The following SPATA4 variants were observed in gnomAD, a reference collection of about 807,000 sequenced individuals.
The protein encoded by SPATA4 is spermatogenesis associated 4, also known as spermatogenesis-associated protein 4.
A neutral mutation model predicts 31.8 loss-of-function variants in SPATA4; 35 were observed. That is an observed-to-expected ratio of 1.10 (90% CI 0.84 to 1.46). The LOEUF (loss-of-function observed/expected upper bound fraction) is 1.46. Ranked by LOEUF, SPATA4 falls within the 40% of genes most tolerant of loss-of-function variation. The pLI, the probability that SPATA4 is intolerant of heterozygous loss-of-function variation, is 0.00. For synonymous variants in SPATA4, 126 were observed against 132.4 expected (o/e 0.95, Z 0.33); for missense variants, 394 against 363.1 (o/e 1.09, Z -0.69).
At position 176,193,541 on chromosome 4, in the gene SPATA4, A is replaced by G; in HGVS notation, c.260T>C (p.Ile87Thr). The G allele has an allele frequency of 1.2e-6, 2 of 1,612,572 alleles. No individual in the cohort carries two copies. Among genetic ancestry groups the G allele is most frequent in the Non-Finnish European group, 1.7e-6 (2 of 1,179,710 alleles). The change falls in exon 2 of 6, where the codon ATA becomes ACA. Residue 87 changes from isoleucine to threonine, a missense_variant. Transcript: ENST00000280191. ...NGFLIAEIFC[I>T]YYPWELELSS... ...TAATTCAAGTTCCCAGGGGTAATAT[A>G]TACAGAATATTTCTGCAATTAGGAA...
At chr4:176,195,257 GC>G in intron 1 of SPATA4, 87 bp downstream of exon 1, 1 of 1,327,404 alleles carries the variant, frequency 7.5e-7, no homozygotes, top group Non-Finnish European at 1.1e-6. Flanking sequence ...CATAAGCCAG[GC>G]CAGGGTAGGC....
chr4:176,186,057 C>A (rs765629034), intron 5 of SPATA4, among the ~76,000 whole-genome samples: 2 of 152,134 alleles, frequency 1.3e-5, no homozygotes, highest in Non-Finnish European at 2.9e-5. Flanking sequence ...TACTTGGAAT[C>A]CTGATCTGAA....
At chr4:176,190,321 T>A (rs1236434646) in intron 4 of SPATA4, among the ~76,000 whole-genome samples, 1 of 152,230 alleles carries the variant, frequency 6.6e-6, no homozygotes, top group African/African-American at 2.4e-5. Context: ...GGTTTCACTT[T>A]AATCAATTTA....
At chr4:176,185,570 C>T (rs1752427992) in intron 5 of SPATA4, among the ~76,000 whole-genome samples, 1 of 152,130 alleles carries the variant, frequency 6.6e-6, no homozygotes, top group African/African-American at 2.4e-5. Flanking sequence ...AGTTACGTTC[C>T]TACAGTCTAG....
At chr4:176,185,999 T>C (rs1276072829) in intron 5 of SPATA4, among the ~76,000 whole-genome samples, 1 of 152,174 alleles carries the variant, frequency 6.6e-6, no homozygotes, top group Non-Finnish European at 1.5e-5. Flanking sequence ...GAGGAGTTAT[T>C]TATGGCCACT....
intron 5 of SPATA4, among the ~76,000 whole-genome samples, chr4:176,185,909 G>A (rs73005178): frequency 1.8e-4 from 27 of 152,098 alleles, no homozygotes; most frequent in Admixed American, 3.3e-4. Flanking sequence ...TTTCCAAAGA[G>A]AGCAAGACTA....
At chr4:176,189,106 C>T (rs1413160911) in intron 4 of SPATA4, among the ~76,000 whole-genome samples, 2 of 152,198 alleles carry the variant, frequency 1.3e-5, no homozygotes, top group Non-Finnish European at 2.9e-5. Flanking sequence ...AACAGAGATA[C>T]AGGTTAGTTT....
chr4:176,193,710 T>C (rs1420143144), intron 1 of SPATA4, 128 bp from the exon 2 acceptor site: 1 of 1,003,596 alleles, frequency 1.0e-6, no homozygotes, highest in Non-Finnish European at 1.4e-6. Context: ...GTTGGATCGT[T>C]GCTCTAAGGA....
At chr4:176,184,928 C>A in intron 5 of SPATA4, 36 bp from the exon 6 acceptor site, 1 of 1,277,696 alleles carries the variant, frequency 7.8e-7, no homozygotes, top group South Asian at 1.3e-5. Context: ...AAAATCAATT[C>A]ATGGTTACTA....
At chr4:176,193,362 C>T (rs533749265) in intron 2 of SPATA4, 91 bp downstream of exon 2, 2 of 1,476,262 alleles carry the variant, frequency 1.4e-6, no homozygotes, top group East Asian at 2.3e-5. Context: ...CACACAGTCA[C>T]ACACATACAC....
chr4:176,193,704 G>A (rs1752569433), intron 1 of SPATA4, 122 bp from the exon 2 acceptor site: 1 of 1,062,728 alleles, frequency 9.4e-7, no homozygotes, highest in Non-Finnish European at 1.3e-6. Context: ...AGTGTTGTTG[G>A]ATCGTTGCTC....
Position 176,184,846 on chromosome 4 carries a change from C to T in SPATA4, c.852G>A (p.Lys284=). 1 of 1,602,456 alleles carries T rather than the reference C, an allele frequency of 6.2e-7. No individual in the cohort carries two copies. The highest frequency in any genetic ancestry group is 8.5e-7 in the Non-Finnish European group (1 of 1,174,368). The change falls in exon 6 of 6, where the codon AAG becomes AAA. Residue 284 remains lysine (K), a synonymous_variant. Transcript: ENST00000280191. ...GGSSHREIHV[K]QAGQHSYYSA... is the part of the protein sequence containing the mutation. ...AGTAATAAGAATGTTGTCCAGCTTG[C>T]TTCACATGTATTTCTCTATGTGAAC...
intron 4 of SPATA4, among the ~76,000 whole-genome samples, chr4:176,189,120 A>G (rs1752489079): frequency 6.6e-6 from 1 of 152,232 alleles, no homozygotes; most frequent in South Asian, 2.1e-4. Context: ...TTAGTTTTCT[A>G]CAAAGATAGA....
Position 176,192,707 on chromosome 4 carries a change from A to G in SPATA4, c.608T>C (p.Met203Thr). 2 of 1,614,122 alleles carry G rather than the reference A, an allele frequency of 1.2e-6. No individual in the cohort carries two copies. Among genetic ancestry groups the G allele is most frequent in the Middle Eastern group, 1.6e-4 (1 of 6,062 alleles). Residue 203 changes from methionine to threonine, a missense_variant, in exon 4 of 6, where the codon ATG becomes ACG. Transcript: ENST00000280191. ...CTCCGCTTTAAGTTCATTGGTCAGC[A>G]TGTTGGGATTGCTTAGTAATTCTGA... ...RLSELLSNPN[M>T]LTNELKAEFL...
Position 176,192,695 on chromosome 4 carries a change from T to C in SPATA4, c.620A>G (p.Glu207Gly). The C allele has an allele frequency of 6.2e-7, 1 of 1,614,126 alleles. No homozygotes were observed. Among genetic ancestry groups the C allele is most frequent in the Non-Finnish European group, 8.5e-7 (1 of 1,179,994 alleles). Residue 207 changes from glutamate to glycine, a missense_variant, in exon 4 of 6, where the codon GAA (glutamate) becomes GGA (glycine). Transcript: ENST00000280191. ...AAGGATGAGGAACTCCGCTTTAAGTTCATTGGTCAGCATGTTGGGATTGCT... is the reference window on the plus strand; with the variant it reads ...AAGGATGAGGAACTCCGCTTTAAGTCCATTGGTCAGCATGTTGGGATTGCT... Reference protein sequence around the residue: ...LLSNPNMLTNELKAEFLILLH... With the variant: ...LLSNPNMLTNGLKAEFLILLH...
rs1296102636 is a variant in SPATA4, at chr4:176,192,665, T to C, written c.650A>G (p.His217Arg). The C allele has an allele frequency of 1.9e-6, 3 of 1,614,066 alleles. No homozygotes were observed. Among genetic ancestry groups the C allele is most frequent in the Non-Finnish European group, 1.7e-6 (2 of 1,179,970 alleles). Residue 217 changes from histidine (H) to arginine (R), a missense_variant, in exon 4 of 6, where the codon CAT (histidine) becomes CGT (arginine). Coordinates refer to ENST00000280191, the MANE Select transcript of SPATA4 (RefSeq NM_144644.4). ...ELKAEFLILL[H>R]MLQRKLGRKL... ...TCTGCCTAATTTTCTTTGCAACATA[T>C]GTAAAAGGATGAGGAACTCCGCTTT... is the stretch of plus-strand genomic sequence containing the variant.
At chr4:176,189,345 A>G (rs1752491970) in intron 4 of SPATA4, among the ~76,000 whole-genome samples, 1 of 152,174 alleles carries the variant, frequency 6.6e-6, no homozygotes, top group Non-Finnish European at 1.5e-5. Flanking sequence ...GATTAGCACT[A>G]AAAAGAGTAG....
intron 5 of SPATA4, among the ~76,000 whole-genome samples, chr4:176,185,594 C>T (rs952655002): frequency 6.6e-6 from 1 of 152,124 alleles, no homozygotes; most frequent in Non-Finnish European, 1.5e-5. Flanking sequence ...TTTTGCTTCT[C>T]CTCCTTCCAT....
intron 1 of SPATA4, chr4:176,194,883 C>T (rs1471324363): frequency 6.4e-6 from 1 of 156,956 alleles, no homozygotes; most frequent in Non-Finnish European, 1.4e-5. Flanking sequence ...TACAGGCACC[C>T]GCCACCACAC....
Sources: gnomAD v4.1 joint callset for allele counts (sites outside exome capture counted in the v4.1 genomes callset) on GRCh38, gnomAD v4.1.1 for gene constraint, MANE v1.5 for transcripts, NCBI Gene and HGNC (gene_info 2026-07-23, HGNC 2026-07-21) for gene names.